The following HPS3 variants were observed in gnomAD, a reference collection of about 807,000 sequenced individuals.
HPS3 encodes the protein HPS3 biogenesis of lysosomal organelles complex 2 subunit 1.
Under a neutral mutation model 110.9 loss-of-function variants are expected in HPS3, and 79 were observed. That is an observed-to-expected ratio of 0.71 (90% confidence interval 0.59 to 0.86). The LOEUF (loss-of-function observed/expected upper bound fraction) is 0.86. HPS3 is among the 40% of genes least tolerant of loss of function. The pLI, the probability that HPS3 is intolerant of heterozygous loss-of-function variation, is 0.00. For missense variants in HPS3, 1,197 were observed against 1,206.2 expected, an observed-to-expected ratio of 0.99 and a Z score of 0.11; for synonymous variants, 428 against 451.0, an observed-to-expected ratio of 0.95 and a Z score of 0.65.
Position 149,172,487 on chromosome 3 carries a change from A to G in HPS3, c.*265A>G, listed in dbSNP as rs1441803337. ...TCTTTAAGACATAAGAATTCCTCAAAGAAGCCATACATTTTTTAAGGTGGG... is the reference window on the plus strand; with the variant it reads ...TCTTTAAGACATAAGAATTCCTCAAGGAAGCCATACATTTTTTAAGGTGGG... On this transcript the variant is annotated 3_prime_UTR_variant, in exon 17 of 17. Transcript: ENST00000296051. 2.4e-5 allele frequency: 8 copies of G among 328,822 alleles called. No individual in the cohort carries two copies. The highest frequency in any genetic ancestry group is 1.8e-4 in the East Asian group (3 of 16,608). 20.4% of individuals were successfully genotyped at this position (328,822 alleles called of 1,614,324 possible).
intron 11 of HPS3, among the ~76,000 whole-genome samples, chr3:149,161,803 C>T (rs1723889194): frequency 6.6e-6 from 1 of 152,190 alleles, no homozygotes; most frequent in Admixed American, 6.5e-5. Flanking sequence ...AGCTACTGCA[C>T]TCAGCCATCC....
chr3:149,151,206 T>TTA (rs576903844), intron 6 of HPS3, among the ~76,000 whole-genome samples: 13,201 of 140,420 alleles, frequency 0.094, 833 homozygotes, highest in African/African-American at 0.18. Flanking sequence ...TATTATTATT[T>TTA]TTTTTTCTGC....
At chr3:149,151,587 T>TTAAAA (rs1723115835) in intron 6 of HPS3, among the ~76,000 whole-genome samples, 2 of 40,300 alleles carry the variant, frequency 5.0e-5, no homozygotes, top group African/African-American at 1.6e-4. Flanking sequence ...GCTTGGTTTC[T>TTAAAA]AAAAAAAAAA....
chr3:149,163,841 GATAA>G lies in HPS3; in HGVS notation c.2484_2487del (p.Ile828MetfsTer8). On this transcript the variant is annotated frameshift_variant and splice_region_variant, in exon 14 of 17. Transcript: ENST00000296051. LOFTEE classifies it high-confidence loss of function. ...TTATGAGAAATTCTTTTATGTTTTA[GATAA>G]ATGCCTGTAGTCATTATGGCTTAAT... 6.8e-7 allele frequency: 1 copy of G among 1,477,534 alleles called. No individual in the cohort carries two copies. Among genetic ancestry groups the G allele is most frequent in the Non-Finnish European group, 9.5e-7 (1 of 1,055,528 alleles). 91.5% of individuals were successfully genotyped at this position (1,477,534 alleles called of 1,614,324 possible). A position where few individuals can be genotyped will look rare whatever the true frequency, so the allele number is the denominator to read the frequency against.
In HPS3 at chr3:149,145,408, T is replaced by A; in HGVS notation, c.1025T>A (p.Leu342His). 1 of 1,614,122 alleles carries A rather than the reference T, an allele frequency of 6.2e-7. No individual in the cohort carries two copies. The highest frequency in any genetic ancestry group is 8.5e-7 in the Non-Finnish European group (1 of 1,179,972). ...NLSQEKELLS[L>H]FCFFSLPHVG... ...TCTCAGGAAAAAGAATTGCTGAGTC[T>A]CTTTTGCTTTTTCTCCTTACCTCAT... Residue 342 changes from leucine (L) to histidine (H), a missense_variant, in exon 5 of 17, where the codon CTC (leucine) becomes CAC (histidine). Transcript: ENST00000296051.
Position 149,162,872 on chromosome 3 carries a change from G to C in HPS3, c.2475G>C (p.Glu825Asp), listed in dbSNP as rs769105869. 1.2e-6 allele frequency: 2 copies of C among 1,612,714 alleles called. No individual in the cohort carries two copies. Among genetic ancestry groups the C allele is most frequent in the Non-Finnish European group, 1.7e-6 (2 of 1,178,836 alleles). ...ACACCACACCATTGCGAACATCGGAGGATCTGGTAAGATAATGGAATAATA... is the reference window on the plus strand; with the variant it reads ...ACACCACACCATTGCGAACATCGGACGATCTGGTAAGATAATGGAATAATA... The part of the protein sequence containing the change: ...PPDTTPLRTS[E>D]DLINACSHYG... Residue 825 changes from glutamate (E) to aspartate (D), a missense_variant, in exon 13 of 17, where the codon GAG becomes GAC. Coordinates refer to ENST00000296051, the MANE Select transcript of HPS3 (RefSeq NM_032383.5).
chr3:149,163,796 C>G (rs373443188), intron 13 of HPS3, 46 bp from the exon 14 acceptor site: 7 of 1,044,410 alleles, frequency 6.7e-6, no homozygotes, highest in South Asian at 2.5e-5. Context: ...GATAAGCAAG[C>G]TTTTGTTGTT....
chr3:149,157,542 C>T lies in HPS3; in HGVS notation c.1691+11C>T, dbSNP rs1450286620. 9.3e-6 allele frequency: 15 copies of T among 1,612,304 alleles called. No homozygotes were observed. The Admixed American group carries it at 2.5e-4, about 27-fold the overall frequency. ...GGACTGTTACAGCAGGTGGGTGACA[C>T]CTCTTGGAACCTTGTTACAGAAGTC... On this transcript the variant is annotated intron_variant, in intron 9 of 16. Transcript: ENST00000296051.
At chr3:149,143,476 C>T (rs553720762) in intron 4 of HPS3, among the ~76,000 whole-genome samples, 5 of 152,232 alleles carry the variant, frequency 3.3e-5, no homozygotes, top group Non-Finnish European at 7.4e-5. Flanking sequence ...CATCCCAATC[C>T]CCATCACTAG....
chr3:149,136,059 C>T (rs577280046), intron 1 of HPS3, among the ~76,000 whole-genome samples: 1 of 152,146 alleles, frequency 6.6e-6, no homozygotes. Context: ...AAATCAGTAA[C>T]TCTAAGCTCA....
intron 1 of HPS3, chr3:149,130,276 C>T (rs1271798247): frequency 5.0e-6 from 2 of 397,798 alleles, no homozygotes; most frequent in African/African-American, 2.1e-5. Flanking sequence ...CATCAGATTT[C>T]AAAGACTTAC....
intron 1 of HPS3, among the ~76,000 whole-genome samples, chr3:149,131,377 C>A (rs1022401343): frequency 1.3e-5 from 2 of 152,130 alleles, no homozygotes; most frequent in African/African-American, 2.4e-5. Flanking sequence ...CTACCAGTTC[C>A]ATTTTTCACA....
At position 149,162,295 on chromosome 3, in the gene HPS3, A is replaced by T. The variant is rs1723940040; in HGVS notation, c.2254A>T (p.Asn752Tyr). 6.2e-7 allele frequency: 1 copy of T among 1,614,032 alleles called. No homozygotes were observed. Among genetic ancestry groups the T allele is most frequent in the Non-Finnish European group, 8.5e-7 (1 of 1,179,934 alleles). Residue 752 changes from asparagine (N) to tyrosine (Y), a missense_variant, in exon 12 of 17, where the codon AAC becomes TAC. Asn to Tyr is a moderately radical substitution (Grantham distance 143, BLOSUM62 -2). Coordinates refer to ENST00000296051, the MANE Select transcript of HPS3 (RefSeq NM_032383.5). ...TTCAGTTCTGGGCTTGCAGAAGAAC[A>T]ACAAAATTGGAATTGAAGAAGCAGA... The part of the protein sequence containing the change: ...VASVLGLQKN[N>Y]KIGIEEADSF...
At chr3:149,153,443 A>G (rs1451967204) in intron 6 of HPS3, 51 bp from the exon 7 acceptor site, 3 of 1,468,388 alleles carry the variant, frequency 2.0e-6, no homozygotes, top group Non-Finnish European at 2.9e-6. Flanking sequence ...TTGAAGATTG[A>G]AGTGCATGTA....
chr3:149,172,014 T>C, intron 16 of HPS3, 81 bp from the exon 17 acceptor site: 10 of 1,451,524 alleles, frequency 6.9e-6, no homozygotes, highest in Non-Finnish European at 8.6e-6. Context: ...CTGAACTGGC[T>C]TCTAATTGGT....
chr3:149,146,596 C>T (rs1464852296), intron 5 of HPS3, among the ~76,000 whole-genome samples: 1 of 152,242 alleles, frequency 6.6e-6, no homozygotes, highest in Non-Finnish European at 1.5e-5. Flanking sequence ...GTATCACAAT[C>T]TCTAGCAGGT....
intron 15 of HPS3, 36 bp downstream of exon 15, chr3:149,167,276 A>C (rs1176798095): frequency 1.3e-6 from 2 of 1,515,724 alleles, no homozygotes; most frequent in Admixed American, 3.7e-5. Context: ...AGGCTTGATC[A>C]GTGATAATCA....
chr3:149,133,610 T>C (rs752009511), intron 1 of HPS3, among the ~76,000 whole-genome samples: 1 of 152,156 alleles, frequency 6.6e-6, no homozygotes, highest in Non-Finnish European at 1.5e-5. Flanking sequence ...ATTGTTGTCT[T>C]ATTTTAAGGA....
chr3:149,157,258 C>T, intron 8 of HPS3, 92 bp from the exon 9 acceptor site: 1 of 1,134,876 alleles, frequency 8.8e-7, no homozygotes. Flanking sequence ...CAAATGTTAA[C>T]TTTACTAACA....
Sources: gnomAD v4.1 joint callset for allele counts (sites outside exome capture counted in the v4.1 genomes callset) on GRCh38, gnomAD v4.1.1 for gene constraint, MANE v1.5 for transcripts, NCBI Gene and HGNC (gene_info 2026-07-23, HGNC 2026-07-21) for gene names.